LDHAL6A: variants seen among roughly 807,000 people sequenced by gnomAD.
LDHAL6A encodes L-lactate dehydrogenase A-like 6A.
LDHAL6A carries 19 observed loss-of-function variants against 28.2 expected under a neutral mutation model. The observed-to-expected ratio is 0.67, with a 90% CI of 0.47 to 0.99. The LOEUF is 0.99. LDHAL6A is among the 50% of genes least tolerant of loss of function. LDHAL6A has a pLI of 0.00. For synonymous variants in LDHAL6A, 144 were observed against 134.4 expected, an observed-to-expected ratio of 1.07 and a Z score of -0.49; for missense variants, 372 against 398.6, an observed-to-expected ratio of 0.93 and a Z score of 0.57.
intron 5 of LDHAL6A, 131 bp from the exon 6 acceptor site, chr11:18,477,489 C>A: frequency 1.3e-6 from 1 of 779,060 alleles, no homozygotes; most frequent in South Asian, 2.2e-5. Flanking sequence ...TGCATACATA[C>A]TACAAGTAAT....
intron 3 of LDHAL6A, among the ~76,000 whole-genome samples, chr11:18,468,056 T>C (rs1290324003): frequency 0.011 from 132 of 11,886 alleles, 7 homozygotes; most frequent in African/African-American, 0.02. Context: ...TACGTATATA[T>C]ATATACATAT....
intron 3 of LDHAL6A, among the ~76,000 whole-genome samples, chr11:18,468,000 T>TAC (rs1346779094): frequency 1.4e-4 from 8 of 55,626 alleles, no homozygotes; most frequent in Admixed American, 5.0e-4. Flanking sequence ...TGCATATATA[T>TAC]ACGTATATAT....
intron 3 of LDHAL6A, among the ~76,000 whole-genome samples, chr11:18,470,984 G>A (rs1360263806): frequency 6.6e-6 from 1 of 151,950 alleles, no homozygotes; most frequent in Non-Finnish European, 1.5e-5. Flanking sequence ...ACAGCGCCTG[G>A]CCACATTTCA....
At chr11:18,477,459 AAAAAAGAAG>A (rs1398596802) in intron 5 of LDHAL6A, among the ~76,000 whole-genome samples, 152 bp from the exon 6 acceptor site, 1 of 151,918 alleles carries the variant, frequency 6.6e-6, no homozygotes, top group East Asian at 1.9e-4. Context: ...ACTTAAAAAA[AAAAAAGAAG>A]AAAGAAAAAA....
chr11:18,464,977 G>GTTTTTTGTTTTTTT (rs1849015131), intron 2 of LDHAL6A, among the ~76,000 whole-genome samples: 2 of 125,490 alleles, frequency 1.6e-5, no homozygotes, highest in African/African-American at 6.7e-5. Context: ...TGTTTTTTTT[G>GTTTTTTGTTTTTTT]TTTTTTTTTG....
At chr11:18,477,173 C>G (rs1217931748) in intron 5 of LDHAL6A, among the ~76,000 whole-genome samples, 1 of 151,054 alleles carries the variant, frequency 6.6e-6, no homozygotes, top group Non-Finnish European at 1.5e-5. Flanking sequence ...TATATATGGC[C>G]GGGCGTGGTG....
chr11:18,471,129 TTA>T (rs1849248292), intron 3 of LDHAL6A, among the ~76,000 whole-genome samples: 1 of 152,126 alleles, frequency 6.6e-6, no homozygotes, highest in Non-Finnish European at 1.5e-5. Context: ...GGTTTCTTAT[TTA>T]TGTTAAATAT....
Position 18,455,886 on chromosome 11 carries a change from AC to A in LDHAL6A, c.-793del, listed in dbSNP as rs1446290138. ...CGGCCTCACACCTGCCAAGCATCAC[AC>A]CTGCCAAGCATCACACCTGCCAAGC... On this transcript the variant is annotated 5_prime_UTR_variant, in exon 1 of 7. Transcript: ENST00000280706. 6 of 104,076 alleles carry A rather than the reference AC, an allele frequency of 5.8e-5. No homozygotes were observed. The highest frequency in any genetic ancestry group is 3.2e-4 in the African/African-American group (6 of 18,734). 6.4% of individuals were successfully genotyped at this position (104,076 alleles called of 1,614,324 possible).
At chr11:18,464,986 T>TTTTTTTTTTTTTTTTTTTTTTTTG (rs398115104) in intron 2 of LDHAL6A, among the ~76,000 whole-genome samples, 1 of 120,766 alleles carries the variant, frequency 8.3e-6, no homozygotes, top group Non-Finnish European at 1.8e-5. Context: ...TGTTTTTTTT[T>TTTTTTTTTTTTTTTTTTTTTTTTG]GTTTTGTTTT....
At chr11:18,464,977 G>GTTTTTTTGTTTTTTTTTTTTTTTTTTTT (rs1565068683) in intron 2 of LDHAL6A, among the ~76,000 whole-genome samples, 2 of 125,566 alleles carry the variant, frequency 1.6e-5, no homozygotes, top group East Asian at 2.0e-4. Context: ...TGTTTTTTTT[G>GTTTTTTTGTTTTTTTTTTTTTTTTTTTT]TTTTTTTTTG....
intron 3 of LDHAL6A, among the ~76,000 whole-genome samples, chr11:18,473,227 G>C (rs76382327): frequency 6.6e-6 from 1 of 152,116 alleles, no homozygotes; most frequent in Admixed American, 6.5e-5. Flanking sequence ...CAAAGAGATA[G>C]CAAGGTATTC....
intron 3 of LDHAL6A, chr11:18,468,333 A>G (rs978266006): frequency 1.4e-5 from 2 of 145,364 alleles, no homozygotes; most frequent in Non-Finnish European, 3.0e-5. Flanking sequence ...TTGGATGTAT[A>G]GGTTTTTTTT....
intron 1 of LDHAL6A, among the ~76,000 whole-genome samples, chr11:18,458,570 C>G (rs1288427651): frequency 6.6e-6 from 1 of 152,182 alleles, no homozygotes; most frequent in Non-Finnish European, 1.5e-5. Context: ...TAATCTTTCC[C>G]TGTCCTGGCC....
intron 2 of LDHAL6A, 38 bp downstream of exon 2, chr11:18,464,116 T>TAC: frequency 1.5e-6 from 2 of 1,298,958 alleles, no homozygotes; most frequent in Non-Finnish European, 2.2e-6. Flanking sequence ...TATTCTAATA[T>TAC]ACATGAACAA....
At chr11:18,467,876 C>CACATATATATATATATATAT (rs1849113343) in intron 3 of LDHAL6A, among the ~76,000 whole-genome samples, 4 of 33,532 alleles carry the variant, frequency 1.2e-4, no homozygotes, top group African/African-American at 8.8e-4. Flanking sequence ...TATATATATA[C>CACATATATATATATATATAT]ACACATATAT....
chr11:18,478,559 C>T lies in LDHAL6A; in HGVS notation c.835-147C>T, dbSNP rs1565077437. 21 of 522,162 alleles carry T rather than the reference C, an allele frequency of 4.0e-5. 1 individual carries two copies. The South Asian group carries it at 5.0e-4, about 12-fold the overall frequency. 32.3% of individuals were successfully genotyped at this position (522,162 alleles called of 1,614,324 possible). ...TGGACGACAGAGCAAGAGTCCGTCT[C>T]AAAAAAAAAAGAAAAAAGTTCTCTG... On this transcript the variant is annotated intron_variant, in intron 6 of 6. Coordinates refer to ENST00000280706, the MANE Select transcript of LDHAL6A (RefSeq NM_144972.5).
At chr11:18,471,813 A>C (rs149899839) in intron 3 of LDHAL6A, among the ~76,000 whole-genome samples, 49 of 151,280 alleles carry the variant, frequency 3.2e-4, no homozygotes, top group Admixed American at 2.0e-3. Flanking sequence ...ATCTACCCAG[A>C]ATGGCTTATG....
intron 3 of LDHAL6A, 136 bp from the exon 4 acceptor site, chr11:18,475,330 A>C (rs939297073): frequency 7.5e-6 from 5 of 670,518 alleles, no homozygotes; most frequent in Admixed American, 2.7e-5. Context: ...GTTGGCGTAT[A>C]GCTGGGGTTG....
intron 1 of LDHAL6A, among the ~76,000 whole-genome samples, chr11:18,462,124 G>A (rs989045165): frequency 6.6e-6 from 1 of 152,156 alleles, no homozygotes; most frequent in African/African-American, 2.4e-5. Flanking sequence ...AATGAGTCAT[G>A]ATCATGCTAC....
Sources: allele counts gnomAD v4.1 joint callset (sites outside exome capture counted in the v4.1 genomes callset), GRCh38; gene constraint gnomAD v4.1.1; transcripts MANE v1.5; gene names NCBI Gene and HGNC (gene_info 2026-07-23, HGNC 2026-07-21).